Variants in FAM227B observed in about 807,000 individuals in gnomAD.
The protein encoded by FAM227B is protein FAM227B.
A neutral mutation model predicts 73.8 loss-of-function variants in FAM227B; 88 were observed. The observed-to-expected ratio is 1.19, with a 90% CI of 1.00 to 1.42. The LOEUF is 1.42. Ranked by LOEUF, FAM227B falls within the 40% of genes most tolerant of loss-of-function variation. The pLI, the probability that FAM227B is intolerant of heterozygous loss-of-function variation, is 0.00. For missense variants in FAM227B, 632 were observed against 590.9 expected, an observed-to-expected ratio of 1.07 and a Z score of -0.72; for synonymous variants, 210 against 190.5, an observed-to-expected ratio of 1.10 and a Z score of -0.84.
At chr15:49,417,308 G>T (rs1016154579) in intron 11 of FAM227B, among the ~76,000 whole-genome samples, 1 of 152,110 alleles carries the variant, frequency 6.6e-6, no homozygotes, top group Non-Finnish European at 1.5e-5. Context: ...GATCACCTGA[G>T]CCCAGAAACT....
chr15:49,570,655 C>A (rs72729189), intron 8 of FAM227B, among the ~76,000 whole-genome samples: 6,881 of 151,458 alleles, frequency 0.045, 223 homozygotes, highest in Middle Eastern at 0.072. Context: ...CTGATAACTA[C>A]CTTTCTGCTG....
chr15:49,403,494 T>C (rs1232936866), intron 11 of FAM227B, among the ~76,000 whole-genome samples: 2 of 151,974 alleles, frequency 1.3e-5, no homozygotes, highest in African/African-American at 4.8e-5. Context: ...GTCTTGGGAG[T>C]GTGTATGTGT....
At chr15:49,449,034 C>A (rs1313220021) in intron 11 of FAM227B, among the ~76,000 whole-genome samples, 1 of 151,802 alleles carries the variant, frequency 6.6e-6, no homozygotes, top group Non-Finnish European at 1.5e-5. Context: ...TCTTTTCTGT[C>A]TGCACTCATC....
At chr15:49,489,765 T>C (rs1424007534) in intron 11 of FAM227B, among the ~76,000 whole-genome samples, 2 of 134,926 alleles carry the variant, frequency 1.5e-5, no homozygotes, top group Admixed American at 8.1e-5. Context: ...TCTATAGATA[T>C]ATAGATATAT....
chr15:49,499,026 C>T (rs1416442821), intron 11 of FAM227B, among the ~76,000 whole-genome samples: 1 of 150,626 alleles, frequency 6.6e-6, no homozygotes, highest in Non-Finnish European at 1.5e-5. Flanking sequence ...ATTAGCCGGG[C>T]GTAGTGGCGG....
chr15:49,570,483 T>C (rs1440555856), intron 8 of FAM227B, among the ~76,000 whole-genome samples: 2 of 151,878 alleles, frequency 1.3e-5, no homozygotes, highest in Non-Finnish European at 2.9e-5. Flanking sequence ...CCTCTGCCCA[T>C]TTTAAAAATT....
intron 11 of FAM227B, among the ~76,000 whole-genome samples, chr15:49,421,210 G>C (rs1158497263): frequency 6.6e-6 from 1 of 152,186 alleles, no homozygotes; most frequent in Non-Finnish European, 1.5e-5. Context: ...GTTATTCTTA[G>C]TTCCTGGAGA....
At chr15:49,372,632 A>T (rs753170496) in intron 11 of FAM227B, among the ~76,000 whole-genome samples, 12 of 152,206 alleles carry the variant, frequency 7.9e-5, no homozygotes, top group Non-Finnish European at 1.6e-4. Flanking sequence ...CACTTCTTAA[A>T]GGAAAAGAGA....
chr15:49,452,587 C>G (rs1440207974), intron 11 of FAM227B, among the ~76,000 whole-genome samples: 1 of 152,086 alleles, frequency 6.6e-6, no homozygotes, highest in Non-Finnish European at 1.5e-5. Flanking sequence ...ACTTAAGCAA[C>G]TAAAGAAAGC....
At chr15:49,547,536 T>A (rs1031810569) in intron 9 of FAM227B, among the ~76,000 whole-genome samples, 7 of 152,024 alleles carry the variant, frequency 4.6e-5, no homozygotes, top group Non-Finnish European at 7.4e-5. Context: ...AGGAAACCCA[T>A]CTCAAGTGCA....
At chr15:49,479,353 T>C (rs1315937268) in intron 11 of FAM227B, among the ~76,000 whole-genome samples, 4 of 152,132 alleles carry the variant, frequency 2.6e-5, no homozygotes, top group South Asian at 4.1e-4. Context: ...TGGAAATAAA[T>C]TTACTGGGTA....
At chr15:49,612,029 TTTTC>T (rs1251415297) in intron 2 of FAM227B, among the ~76,000 whole-genome samples, 3 of 146,702 alleles carry the variant, frequency 2.0e-5, no homozygotes, top group African/African-American at 5.1e-5. Flanking sequence ...CATGGCTGAA[TTTTC>T]TTTTTTTTTT....
chr15:49,457,652 A>G (rs1335050751), intron 11 of FAM227B, among the ~76,000 whole-genome samples: 1 of 151,982 alleles, frequency 6.6e-6, no homozygotes, highest in African/African-American at 2.4e-5. Context: ...ATCTTAGAGC[A>G]GAATCTTTGA....
intron 1 of FAM227B, among the ~76,000 whole-genome samples, chr15:49,617,447 T>G (rs1451045455): frequency 6.6e-6 from 1 of 152,078 alleles, no homozygotes; most frequent in African/African-American, 2.4e-5. Flanking sequence ...AACAGTCTAG[T>G]GAAAAATAGC....
intron 5 of FAM227B, among the ~76,000 whole-genome samples, chr15:49,581,823 T>C (rs939936026): frequency 5.3e-5 from 8 of 152,134 alleles, no homozygotes; most frequent in Non-Finnish European, 1.0e-4. Context: ...CAGAGAAACA[T>C]ATTTAAGTAC....
intron 11 of FAM227B, among the ~76,000 whole-genome samples, chr15:49,496,812 A>G (rs780639715): frequency 3.3e-5 from 5 of 152,160 alleles, no homozygotes; most frequent in Non-Finnish European, 5.9e-5. Context: ...TATTTCTTTT[A>G]AGTCATATAT....
At chr15:49,620,290 A>G (rs1238284392) in intron 1 of FAM227B, 1 of 152,204 alleles carries the variant, frequency 6.6e-6, no homozygotes, top group East Asian at 1.9e-4. Flanking sequence ...GAGCACTTCT[A>G]GGGCATTGTA....
At chr15:49,592,912 C>G (rs191396751) in intron 3 of FAM227B, among the ~76,000 whole-genome samples, 2 of 152,188 alleles carry the variant, frequency 1.3e-5, no homozygotes, top group African/African-American at 4.8e-5. Context: ...ACCCCTCCCC[C>G]GACCAGGCTT....
At chr15:49,341,980 G>A (rs1056780323) in intron 13 of FAM227B, among the ~76,000 whole-genome samples, 1 of 152,130 alleles carries the variant, frequency 6.6e-6, no homozygotes, top group Non-Finnish European at 1.5e-5. Context: ...CATGTTCTGT[G>A]TGCAGATGAT....
Sources: allele counts gnomAD v4.1 joint callset (sites outside exome capture counted in the v4.1 genomes callset), GRCh38; gene constraint gnomAD v4.1.1; transcripts MANE v1.5; gene names NCBI Gene and HGNC (gene_info 2026-07-23, HGNC 2026-07-21).